The following LRFN2 variants were observed in gnomAD, a reference collection of about 807,000 sequenced individuals.
The protein encoded by LRFN2 is leucine rich repeat and fibronectin type III domain containing 2.
Under a neutral mutation model 37.3 loss-of-function variants are expected in LRFN2, and 18 were observed. The ratio of observed to expected loss-of-function variants is 0.48; its 90% confidence interval spans 0.33 to 0.72. The LOEUF (loss-of-function observed/expected upper bound fraction) is 0.72, where lower values mean the gene tolerates loss of function less well. LRFN2 is among the 30% of genes least tolerant of loss of function. The pLI, the probability that LRFN2 is intolerant of heterozygous loss-of-function variation, is 0.02. For missense variants in LRFN2, 1,006 were observed against 1,060.7 expected, an observed-to-expected ratio of 0.95 and a Z score of 0.72; for synonymous variants, 556 against 466.6, an observed-to-expected ratio of 1.19 and a Z score of -2.47.
At chr6:40,575,006 T>C (rs1326982016) in intron 1 of LRFN2, among the ~76,000 whole-genome samples, 2 of 152,086 alleles carry the variant, frequency 1.3e-5, no homozygotes, top group Admixed American at 6.5e-5. Flanking sequence ...AAGTAGCATA[T>C]TGTGGCCTGA....
At chr6:40,403,929 C>G (rs1421290271) in intron 2 of LRFN2, among the ~76,000 whole-genome samples, 2 of 152,216 alleles carry the variant, frequency 1.3e-5, no homozygotes, top group Non-Finnish European at 2.9e-5. Context: ...CATTCTTACT[C>G]TACAATCTGG....
At chr6:40,445,268 G>A (rs933850972) in intron 1 of LRFN2, among the ~76,000 whole-genome samples, 28 of 152,312 alleles carry the variant, frequency 1.8e-4, no homozygotes, top group East Asian at 3.9e-4. Context: ...ACCATCTGCC[G>A]ATTTTATAAG....
At chr6:40,567,631 AC>A (rs1277669465) in intron 1 of LRFN2, among the ~76,000 whole-genome samples, 1 of 152,242 alleles carries the variant, frequency 6.6e-6, no homozygotes, top group Non-Finnish European at 1.5e-5. Flanking sequence ...CAGAGGTGGA[AC>A]CCATGAGAGG....
intron 1 of LRFN2, among the ~76,000 whole-genome samples, chr6:40,498,177 G>C (rs983824692): frequency 2.0e-5 from 3 of 152,164 alleles, no homozygotes; most frequent in African/African-American, 7.2e-5. Context: ...TGGAGACTGA[G>C]TGGAGGGAAA....
At position 40,505,274 on chromosome 6, in the gene LRFN2, T is replaced by A. The variant is rs373589245; in HGVS notation, c.-18-72143A>T. Among the ~76,000 whole-genome samples the A allele has an allele frequency of 5.6e-4, 85 of 152,318 alleles. No individual in the cohort carries two copies. The South Asian group carries it at 0.018, about 32-fold the overall frequency. On this transcript the variant is annotated intron_variant, in intron 1 of 2. Coordinates refer to ENST00000338305, the MANE Select transcript of LRFN2 (RefSeq NM_020737.3). ...CCTCATAGCCAGTCTAATTACCACT[T>A]TCCACAAGGAATTTCACCGTGCGTG...
intron 2 of LRFN2, among the ~76,000 whole-genome samples, chr6:40,399,426 C>CTTTTTTTTTTT (rs61458320): frequency 7.4e-6 from 1 of 134,362 alleles, no homozygotes; most frequent in Non-Finnish European, 1.6e-5. Flanking sequence ...TTTTTCTTTT[C>CTTTTTTTTTTT]TTTTTTTTTT....
chr6:40,529,022 A>G (rs1000450127), intron 1 of LRFN2, among the ~76,000 whole-genome samples: 1 of 152,142 alleles, frequency 6.6e-6, no homozygotes, highest in Non-Finnish European at 1.5e-5. Flanking sequence ...CCACAGACTC[A>G]CACACACTAA....
At chr6:40,505,885 A>C (rs1322358966) in intron 1 of LRFN2, among the ~76,000 whole-genome samples, 1 of 152,204 alleles carries the variant, frequency 6.6e-6, no homozygotes. Context: ...GATCCAAGGC[A>C]CGTGGAGATG....
chr6:40,485,370 C>T (rs1764930260), intron 1 of LRFN2, among the ~76,000 whole-genome samples: 2 of 152,166 alleles, frequency 1.3e-5, no homozygotes, highest in Admixed American at 1.3e-4. Flanking sequence ...AGTGGCCAGC[C>T]TGGAAGCCAT....
chr6:40,506,033 G>A (rs1765525868), intron 1 of LRFN2, among the ~76,000 whole-genome samples: 1 of 152,226 alleles, frequency 6.6e-6, no homozygotes, highest in South Asian at 2.1e-4. Flanking sequence ...GCCCTCCAGT[G>A]AGGGGCCTAG....
chr6:40,395,169 C>T (rs762160397), intron 2 of LRFN2, among the ~76,000 whole-genome samples: 2 of 152,010 alleles, frequency 1.3e-5, no homozygotes, highest in Non-Finnish European at 2.9e-5. Context: ...TCATGACAGT[C>T]CTGTAAAGGC....
At chr6:40,533,546 C>A (rs2436747) in intron 1 of LRFN2, among the ~76,000 whole-genome samples, 4,249 of 152,212 alleles carry the variant, frequency 0.028, 204 homozygotes, top group African/African-American at 0.096. Context: ...CTCCTCCTAC[C>A]TCTCACCCCC....
At chr6:40,398,203 C>A (rs1762654773) in intron 2 of LRFN2, among the ~76,000 whole-genome samples, 1 of 151,806 alleles carries the variant, frequency 6.6e-6, no homozygotes, top group Admixed American at 6.6e-5. Flanking sequence ...CCCTGGGCTC[C>A]ACCCACCAGA....
chr6:40,447,223 A>G (rs2916258), intron 1 of LRFN2, among the ~76,000 whole-genome samples: 1,759 of 152,364 alleles, frequency 0.012, 31 homozygotes, highest in African/African-American at 0.04. Context: ...TACTTTTTCT[A>G]TCAAAGCAAA....
chr6:40,486,134 A>G (rs745855599), intron 1 of LRFN2, among the ~76,000 whole-genome samples: 29 of 152,128 alleles, frequency 1.9e-4, no homozygotes, highest in South Asian at 4.1e-4. Context: ...CTTCTGGCCT[A>G]TGTACTTTCC....
At position 40,392,558 on chromosome 6, in the gene LRFN2, C is replaced by G. The variant is rs373024068; in HGVS notation, c.1755G>C (p.Pro585=). 6.3e-7 allele frequency: 1 copy of G among 1,599,662 alleles called. No individual in the cohort carries two copies. The highest frequency in any genetic ancestry group is 1.1e-5 in the South Asian group (1 of 90,238). ...CCCCGGCTGGTGCGCTGCTTGGAGG[C>G]GGTGGCTGGGCGCCGTTGGTCTGCG... ...VYSQTNGAQP[P]PPSSAPAGAP... is the part of the protein sequence containing the mutation. The change falls in exon 3 of 3, where the codon CCG becomes CCC. Residue 585 remains proline (P), a synonymous_variant. Transcript: ENST00000338305. This position sits in a 1 kb window ranked among gnomAD's most constrained non-coding sequence, Gnocchi z 4.7.
intron 1 of LRFN2, among the ~76,000 whole-genome samples, chr6:40,559,574 G>T (rs1414236442): frequency 6.6e-6 from 1 of 152,084 alleles, no homozygotes; most frequent in African/African-American, 2.4e-5. Context: ...GACCGAGGGG[G>T]CTACCTGGCC....
chr6:40,583,923 A>G (rs1417444849), intron 1 of LRFN2, among the ~76,000 whole-genome samples: 1 of 152,212 alleles, frequency 6.6e-6, no homozygotes, highest in Non-Finnish European at 1.5e-5. Flanking sequence ...CAGACAGGAA[A>G]GGGTGGCTGG....
chr6:40,396,561 C>T (rs556860326), intron 2 of LRFN2, among the ~76,000 whole-genome samples: 38 of 152,228 alleles, frequency 2.5e-4, no homozygotes, highest in Admixed American at 3.9e-4. Flanking sequence ...CCACTGGAAC[C>T]GGGATGAAAG....
Sources: allele counts gnomAD v4.1 joint callset (sites outside exome capture counted in the v4.1 genomes callset), GRCh38; gene constraint gnomAD v4.1.1; non-coding constraint Gnocchi (gnomAD v3.1); transcripts MANE v1.5; gene names NCBI Gene and HGNC (gene_info 2026-07-23, HGNC 2026-07-21).